The following CACHD1 variants were observed in gnomAD, a reference collection of about 807,000 sequenced individuals.
The protein encoded by CACHD1 is VWFA and cache domain-containing protein 1.
CACHD1 carries 71 observed loss-of-function variants against 138.7 expected under a neutral mutation model. The observed-to-expected ratio is 0.51, with a 90% confidence interval of 0.42 to 0.62. CACHD1 has a LOEUF of 0.62. Among genes scored for constraint, CACHD1 ranks in the 20% least tolerant of loss-of-function variants. The pLI is 0.00. For synonymous variants in CACHD1, 578 were observed against 591.5 expected (o/e 0.98, Z 0.33); for missense variants, 1,389 against 1,625.3 (o/e 0.85, Z 2.50).
chr1:64,497,294 C>T (rs995281965), intron 1 of CACHD1, among the ~76,000 whole-genome samples: 7 of 152,120 alleles, frequency 4.6e-5, no homozygotes, highest in Admixed American at 3.9e-4. Flanking sequence ...CTCTGTGCTT[C>T]CATCGTGCCT....
chr1:64,580,453 T>C (rs1570387318), intron 2 of CACHD1, among the ~76,000 whole-genome samples: 1 of 151,960 alleles, frequency 6.6e-6, no homozygotes, highest in Admixed American at 6.6e-5. Context: ...AAATAAAAAT[T>C]GGAAAAGAAA....
intron 2 of CACHD1, among the ~76,000 whole-genome samples, chr1:64,560,099 A>C (rs905422700): frequency 6.6e-6 from 1 of 152,198 alleles, no homozygotes; most frequent in Non-Finnish European, 1.5e-5. Flanking sequence ...AGATCAATAA[A>C]ATGGATCAAC....
intron 3 of CACHD1, among the ~76,000 whole-genome samples, chr1:64,588,569 G>A (rs1028487208): frequency 1.1e-4 from 16 of 152,004 alleles, no homozygotes; most frequent in African/African-American, 3.1e-4. Context: ...GTAGAGAAGC[G>A]GTTTCACTGT....
chr1:64,538,208 T>G (rs116272344), intron 1 of CACHD1, among the ~76,000 whole-genome samples: 1,763 of 152,318 alleles, frequency 0.012, 38 homozygotes, highest in African/African-American at 0.041. Context: ...GCATCACATT[T>G]ATTCCATAAA....
intron 15 of CACHD1, 31 bp downstream of exon 15, chr1:64,664,710 T>C: frequency 6.2e-7 from 1 of 1,602,194 alleles, no homozygotes; most frequent in Non-Finnish European, 8.5e-7. Flanking sequence ...TTATCAAAGG[T>C]TCTCCCCCAA....
chr1:64,507,070 G>A (rs1211494219), intron 1 of CACHD1, among the ~76,000 whole-genome samples: 3 of 152,180 alleles, frequency 2.0e-5, no homozygotes, highest in African/African-American at 7.2e-5. Flanking sequence ...GAGGTCCCAA[G>A]GAAAAAGGCC....
chr1:64,667,191 A>C (rs140804588), intron 16 of CACHD1, among the ~76,000 whole-genome samples: 1 of 152,106 alleles, frequency 6.6e-6, no homozygotes, highest in Admixed American at 6.5e-5. Context: ...ACAAATAGCT[A>C]TTTTTTCCTA....
intron 2 of CACHD1, among the ~76,000 whole-genome samples, chr1:64,555,314 CGT>C (rs1256470056): frequency 1.3e-5 from 2 of 151,982 alleles, no homozygotes; most frequent in Admixed American, 1.3e-4. Context: ...AAAGAATTAA[CGT>C]TTTAATTTTA....
intron 1 of CACHD1, among the ~76,000 whole-genome samples, 192 bp downstream of exon 1, chr1:64,471,134 T>G (rs780609758): frequency 6.6e-6 from 1 of 152,170 alleles, no homozygotes; most frequent in Non-Finnish European, 1.5e-5. Flanking sequence ...CATGCATTCG[T>G]CTACCCCTGC....
chr1:64,561,533 A>C (rs913269840), intron 2 of CACHD1, among the ~76,000 whole-genome samples: 2 of 152,110 alleles, frequency 1.3e-5, no homozygotes, highest in African/African-American at 4.8e-5. Context: ...AAATCCTCTT[A>C]GTTTTTTATT....
intron 1 of CACHD1, among the ~76,000 whole-genome samples, chr1:64,522,161 T>C (rs1646502797): frequency 6.6e-6 from 1 of 152,164 alleles, no homozygotes; most frequent in Admixed American, 6.5e-5. Flanking sequence ...CTTTATTCTT[T>C]TACATGTGGA....
At chr1:64,614,357 T>G (rs765444271) in intron 4 of CACHD1, among the ~76,000 whole-genome samples, 1 of 151,874 alleles carries the variant, frequency 6.6e-6, no homozygotes, top group Non-Finnish European at 1.5e-5. Context: ...TTCTTCTTAT[T>G]TCATCTAAAC....
chr1:64,672,320 G>A (rs1489680761), intron 17 of CACHD1, among the ~76,000 whole-genome samples: 1 of 152,148 alleles, frequency 6.6e-6, no homozygotes, highest in Non-Finnish European at 1.5e-5. Flanking sequence ...GCAAAATATA[G>A]TCTTGATTAA....
intron 3 of CACHD1, among the ~76,000 whole-genome samples, chr1:64,584,794 A>G (rs1197930565): frequency 6.6e-6 from 1 of 152,206 alleles, no homozygotes; most frequent in Non-Finnish European, 1.5e-5. Flanking sequence ...TGATATAGGA[A>G]CGAGTAAGAA....
chr1:64,562,353 A>T (rs79098737), intron 2 of CACHD1, among the ~76,000 whole-genome samples: 3 of 148,614 alleles, frequency 2.0e-5, no homozygotes, highest in South Asian at 2.1e-4. Flanking sequence ...CTCTTTTTAA[A>T]TTTTTTTTCT....
intron 2 of CACHD1, chr1:64,563,982 A>G (rs17126679): frequency 0.031 from 4,736 of 152,282 alleles, 114 homozygotes; most frequent in South Asian, 0.11. Flanking sequence ...AAAGGGTGAT[A>G]TAATGTCAAT....
chr1:64,566,929 G>A (rs1490642543), intron 2 of CACHD1, among the ~76,000 whole-genome samples: 2 of 151,866 alleles, frequency 1.3e-5, no homozygotes, highest in African/African-American at 4.8e-5. Flanking sequence ...ATATTATTAG[G>A]GGTATGTATA....
intron 4 of CACHD1, among the ~76,000 whole-genome samples, 187 bp downstream of exon 4, chr1:64,603,099 CTTTTTTTTTT>C (rs34372401): frequency 2.5e-4 from 16 of 64,940 alleles, no homozygotes; most frequent in Admixed American, 2.2e-3. Context: ...AAGCTTACAT[CTTTTTTTTTT>C]TTTTTTTTTT....
chr1:64,651,498 C>T (rs370573789), intron 9 of CACHD1, among the ~76,000 whole-genome samples: 2 of 152,074 alleles, frequency 1.3e-5, no homozygotes, highest in African/African-American at 4.8e-5. Flanking sequence ...GTCCTTTAAA[C>T]AGATGTGTGA....
Sources: allele counts gnomAD v4.1 joint callset (sites outside exome capture counted in the v4.1 genomes callset), GRCh38; gene constraint gnomAD v4.1.1; transcripts MANE v1.5; gene names NCBI Gene and HGNC (gene_info 2026-07-23, HGNC 2026-07-21).